Variants in FGGY observed in about 807,000 individuals in gnomAD.
The protein encoded by FGGY is FGGY carbohydrate kinase domain-containing protein.
Under a neutral mutation model 71.3 loss-of-function variants are expected in FGGY, and 72 were observed. That is an observed-to-expected ratio of 1.01 (90% CI 0.84 to 1.23). The LOEUF (loss-of-function observed/expected upper bound fraction) is 1.23, where lower values mean the gene tolerates loss of function less well. Ranked by LOEUF, FGGY falls within the 50% of genes most tolerant of loss-of-function variation. The pLI is 0.00. For synonymous variants in FGGY, 251 were observed against 250.3 expected (o/e 1.00, Z -0.02); for missense variants, 668 against 682.3 (o/e 0.98, Z 0.23).
chr1:59,702,439 A>G (rs1461124362), intron 14 of FGGY, among the ~76,000 whole-genome samples: 1 of 152,146 alleles, frequency 6.6e-6, no homozygotes, highest in Non-Finnish European at 1.5e-5. Context: ...CATTCATCTT[A>G]TTGTAGGGAT....
intron 7 of FGGY, among the ~76,000 whole-genome samples, chr1:59,516,636 T>C (rs187792161): frequency 2.0e-5 from 3 of 152,302 alleles, no homozygotes; most frequent in Non-Finnish European, 4.4e-5. Context: ...TCTGTATAGG[T>C]TGAGGTCAGT....
At chr1:59,489,509 T>C (rs773309542) in intron 6 of FGGY, among the ~76,000 whole-genome samples, 3 of 152,160 alleles carry the variant, frequency 2.0e-5, no homozygotes, top group South Asian at 2.1e-4. Context: ...TAATATAATG[T>C]CCTCCATTTC....
chr1:59,625,872 G>T, intron 9 of FGGY, 116 bp from the exon 10 acceptor site: 1 of 702,896 alleles, frequency 1.4e-6, no homozygotes, highest in Non-Finnish European at 2.1e-6. Flanking sequence ...TAATGTTCTT[G>T]GAACCCGTAT....
At chr1:59,685,666 A>G (rs531509577) in intron 14 of FGGY, among the ~76,000 whole-genome samples, 2 of 152,310 alleles carry the variant, frequency 1.3e-5, no homozygotes, top group African/African-American at 4.8e-5. Context: ...TGAAAATCAG[A>G]TTGTTTTAAT....
chr1:59,305,471 G>A (rs1339502334), intron 1 of FGGY, among the ~76,000 whole-genome samples: 1 of 151,966 alleles, frequency 6.6e-6, no homozygotes, highest in African/African-American at 2.4e-5. Flanking sequence ...ATTTTATTGG[G>A]GATTTTTGCA....
rs140207620 is a variant in FGGY, at chr1:59,473,856, G to A, written c.670+16780G>A. The stretch of plus-strand genomic sequence containing the variant: ...ATTTGTGGCTCCTATGAAGCTGTTT[G>A]TGTGTCGGGGCAGGTGGCAAGCCCA... On this transcript the variant is annotated intron_variant, in intron 6 of 15. Coordinates refer to ENST00000303721, the MANE Select transcript of FGGY (RefSeq NM_018291.5). Among the ~76,000 whole-genome samples, 72 of 152,328 alleles carry A rather than the reference G, an allele frequency of 4.7e-4. 1 individual carries two copies. The highest frequency in any genetic ancestry group is 1.7e-3 in the African/African-American group (70 of 41,576).
chr1:59,322,515 T>C (rs570951194), intron 2 of FGGY, among the ~76,000 whole-genome samples: 3 of 152,300 alleles, frequency 2.0e-5, no homozygotes, highest in Admixed American at 1.3e-4. Flanking sequence ...AGGTGCACTC[T>C]TAACCATTGG....
intron 8 of FGGY, among the ~76,000 whole-genome samples, chr1:59,563,823 G>A (rs537198939): frequency 2.0e-5 from 3 of 152,092 alleles, no homozygotes; most frequent in Admixed American, 1.3e-4. Flanking sequence ...AAACAGTATG[G>A]TACTGGTACC....
At chr1:59,415,095 A>G (rs749762547) in intron 5 of FGGY, among the ~76,000 whole-genome samples, 1 of 152,194 alleles carries the variant, frequency 6.6e-6, no homozygotes, top group African/African-American at 2.4e-5. Context: ...CCCACTCGCT[A>G]ACGGAGTTAC....
rs376824808 is a variant in FGGY at position 59,554,056 on chromosome 1, T to C, written c.800-68T>C. 22 of 1,258,396 alleles carry C rather than the reference T, an allele frequency of 1.7e-5. 1 individual carries two copies. The African/African-American group carries it at 3.0e-4, about 17-fold the overall frequency. The allele number at this position is 1,258,396 out of a possible 1,614,324, so 78.0% of individuals were successfully genotyped here. On this transcript the variant is annotated intron_variant, in intron 7 of 15. Coordinates refer to ENST00000303721, the MANE Select transcript of FGGY (RefSeq NM_018291.5). The stretch of plus-strand genomic sequence containing the variant: ...TAAAAAGAAGATTTGTTAATGCTTG[T>C]TTTTAGCTTTCTCTCCCTCTTTTTT...
intron 8 of FGGY, among the ~76,000 whole-genome samples, chr1:59,605,353 G>T (rs919662380): frequency 1.3e-5 from 2 of 152,200 alleles, no homozygotes; most frequent in Non-Finnish European, 1.5e-5. Flanking sequence ...AACTGGGAAA[G>T]TCCTGGCCAA....
At chr1:59,547,586 G>A (rs1243937220) in intron 7 of FGGY, among the ~76,000 whole-genome samples, 2 of 152,144 alleles carry the variant, frequency 1.3e-5, no homozygotes, top group African/African-American at 4.8e-5. Context: ...AAATCAAAGT[G>A]ATAATAACTA....
At chr1:59,391,040 C>G (rs936659873) in intron 5 of FGGY, among the ~76,000 whole-genome samples, 2 of 152,200 alleles carry the variant, frequency 1.3e-5, no homozygotes, top group African/African-American at 2.4e-5. Context: ...AAGTTTTGCT[C>G]TGCCACTTTT....
intron 6 of FGGY, among the ~76,000 whole-genome samples, chr1:59,462,053 A>G (rs1296505940): frequency 1.4e-5 from 2 of 142,930 alleles, no homozygotes; most frequent in South Asian, 2.2e-4. Context: ...TTCAATTCCC[A>G]TCTATGAGTG....
chr1:59,515,661 T>C (rs2094626488), intron 7 of FGGY, among the ~76,000 whole-genome samples: 1 of 152,214 alleles, frequency 6.6e-6, no homozygotes, highest in Non-Finnish European at 1.5e-5. Flanking sequence ...CTCGTGATAG[T>C]AAGTCTCACA....
At chr1:59,423,614 C>G (rs1048364409) in intron 5 of FGGY, among the ~76,000 whole-genome samples, 10 of 152,148 alleles carry the variant, frequency 6.6e-5, no homozygotes, top group Non-Finnish European at 1.3e-4. Context: ...ATATTAAACC[C>G]CTTCAGTGAC....
intron 5 of FGGY, among the ~76,000 whole-genome samples, chr1:59,438,173 T>G (rs1400414830): frequency 6.6e-6 from 1 of 152,204 alleles, no homozygotes; most frequent in African/African-American, 2.4e-5. Context: ...ACCACCATTG[T>G]AGATGTGAGA....
chr1:59,312,409 A>G (rs1316281333), intron 1 of FGGY, among the ~76,000 whole-genome samples: 2 of 152,238 alleles, frequency 1.3e-5, no homozygotes. Flanking sequence ...TGGGAGAAAC[A>G]ACATATACTT....
At chr1:59,487,803 AC>A (rs1158701688) in intron 6 of FGGY, among the ~76,000 whole-genome samples, 1 of 138,032 alleles carries the variant, frequency 7.2e-6, no homozygotes, top group South Asian at 2.4e-4. Context: ...TCCCACTCCC[AC>A]CCCCTCCCCC....
Sources: allele counts gnomAD v4.1 joint callset (sites outside exome capture counted in the v4.1 genomes callset), GRCh38; gene constraint gnomAD v4.1.1; transcripts MANE v1.5; gene names NCBI Gene and HGNC (gene_info 2026-07-23, HGNC 2026-07-21).